Variants in DNAH3 observed in about 807,000 individuals in gnomAD.
DNAH3 encodes the protein axonemal beta dynein heavy chain 3.
In DNAH3, 332 loss-of-function variants were observed where a neutral mutation model predicts 432.5. The observed-to-expected ratio is 0.77, with a 90% confidence interval of 0.70 to 0.84. The LOEUF (loss-of-function observed/expected upper bound fraction) is 0.84. Ranked by LOEUF, DNAH3 falls within the 40% of genes least tolerant of loss-of-function variation. The pLI is 0.00. For missense variants in DNAH3, 4,861 were observed against 5,114.0 expected, an observed-to-expected ratio of 0.95 and a Z score of 1.51; for synonymous variants, 1,956 against 1,900.2, an observed-to-expected ratio of 1.03 and a Z score of -0.76.
intron 24 of DNAH3, among the ~76,000 whole-genome samples, chr16:21,066,400 C>T (rs896283855): frequency 2.2e-4 from 34 of 152,004 alleles, no homozygotes; most frequent in African/African-American, 7.7e-4. Flanking sequence ...CATGGTCTGA[C>T]TCTGTTGCCC....
At chr16:21,005,967 G>C (rs1418791080) in intron 41 of DNAH3, among the ~76,000 whole-genome samples, 1 of 151,186 alleles carries the variant, frequency 6.6e-6, no homozygotes, top group East Asian at 1.9e-4. Flanking sequence ...GTTTTCCTTA[G>C]AGCATAGCAT....
At chr16:20,980,954 T>A (rs2085869346) in intron 49 of DNAH3, among the ~76,000 whole-genome samples, 1 of 152,210 alleles carries the variant, frequency 6.6e-6, no homozygotes, top group Non-Finnish European at 1.5e-5. Context: ...AGATGGTGTG[T>A]AAACTAATGG....
At chr16:21,051,683 C>G (rs764435816) in exon 29 of DNAH3, 7 of 1,613,056 alleles carry the variant, frequency 4.3e-6, no homozygotes, top group Non-Finnish European at 3.4e-6. Flanking sequence ...TAGCAGCGGT[C>G]GGTGAGGGGT....
At chr16:21,145,140 C>T in intron 3 of DNAH3, 41 bp downstream of exon 4, 1 of 1,504,452 alleles carries the variant, frequency 6.6e-7, no homozygotes. Context: ...AAATTTCCTC[C>T]AAAGCCCCAT....
chr16:20,988,910 C>T (rs898255664), intron 44 of DNAH3, among the ~76,000 whole-genome samples: 3 of 152,062 alleles, frequency 2.0e-5, no homozygotes, highest in Admixed American at 6.6e-5. Context: ...TGTTACAGCT[C>T]TTAAGGCGGC....
Position 20,959,610 on chromosome 16 carries a change from AACACACACACACACACACAC to A in DNAH3, c.10601-226_10601-207del, listed in dbSNP as rs55757849. Among the ~76,000 whole-genome samples, 14 of 137,640 alleles carry A rather than the reference AACACACACACACACACACAC, an allele frequency of 1.0e-4. 2 individuals are homozygous for A. The South Asian group carries it at 1.9e-3, about 19-fold the overall frequency. 90.3% of individuals were successfully genotyped at this position (137,640 alleles called of 152,430 possible). On this transcript the variant is annotated intron_variant, in intron 53 of 61. Transcript: ENST00000261383. ...CACAGTGAGACCTTGTCTCTATTTA[AACACACACACACACACACAC>A]ACACACACACACACACACACACACA...
At chr16:21,155,282 A>G (rs2092890577) in intron 1 of DNAH3, among the ~76,000 whole-genome samples, 1 of 152,018 alleles carries the variant, frequency 6.6e-6, no homozygotes, top group Non-Finnish European at 1.5e-5. Context: ...ACAAAACAGA[A>G]GGTGCCCAGT....
rs961888743 is a variant in DNAH3 at position 20,944,353 on chromosome 16, C to G, written c.11511+143G>C. ...ATATAAGGACTCCCGGCAGTAAGGC[C>G]ACAGTGCTCCTTCCCTGCCCTTGGC... On this transcript the variant is annotated intron_variant, in intron 58 of 61. Transcript: ENST00000261383. 8 of 900,064 alleles carry G rather than the reference C, an allele frequency of 8.9e-6. No homozygotes were observed. The Admixed American group carries it at 1.9e-4, about 22-fold the overall frequency. 55.8% of individuals were successfully genotyped at this position (900,064 alleles called of 1,614,324 possible). A position where few individuals can be genotyped will look rare whatever the true frequency, so the allele number is the denominator to read the frequency against.
chr16:21,115,860 G>A (rs11863744), intron 12 of DNAH3, among the ~76,000 whole-genome samples: 5,528 of 152,100 alleles, frequency 0.036, 347 homozygotes, highest in African/African-American at 0.12. Flanking sequence ...AATTCACGAG[G>A]GCAGGGCTTC....
intron 41 of DNAH3, among the ~76,000 whole-genome samples, chr16:21,016,449 A>G (rs2087860879): frequency 6.6e-6 from 1 of 152,210 alleles, no homozygotes; most frequent in Non-Finnish European, 1.5e-5. Context: ...TTCTTAAAAA[A>G]TAAGAATGAA....
rs184681903 is a variant in DNAH3 at position 21,051,904 on chromosome 16, G to A, written c.4040-36C>T. The A allele has an allele frequency of 1.8e-4, 292 of 1,584,922 alleles. 1 individual carries two copies. The African/African-American group carries it at 3.3e-3, about 18-fold the overall frequency. ...ACAGATGCAGAAACACGCACACAGA[G>A]CCATCAGAACTCTCCATCTTTGTAA... On this transcript the variant is annotated intron_variant, in intron 28 of 61. Coordinates refer to ENST00000261383, the Ensembl canonical transcript of DNAH3.
At chr16:21,115,038 T>G (rs1308543263) in intron 12 of DNAH3, among the ~76,000 whole-genome samples, 1 of 152,166 alleles carries the variant, frequency 6.6e-6, no homozygotes, top group Non-Finnish European at 1.5e-5. Context: ...GTGGCACATA[T>G]ACACCATGGA....
chr16:20,981,998 A>C (rs946783978), intron 49 of DNAH3, among the ~76,000 whole-genome samples: 22 of 103,080 alleles, frequency 2.1e-4, no homozygotes, highest in Non-Finnish European at 4.4e-4. Flanking sequence ...GCACATATAT[A>C]ATATATAATA....
At chr16:21,090,316 T>C (rs1185370211) in intron 18 of DNAH3, among the ~76,000 whole-genome samples, 1 of 149,146 alleles carries the variant, frequency 6.7e-6, no homozygotes, top group East Asian at 2.0e-4. Flanking sequence ...AAACATTTCC[T>C]AACTTATTTT....
At chr16:21,153,585 T>G (rs915596505) in intron 1 of DNAH3, among the ~76,000 whole-genome samples, 4 of 152,128 alleles carry the variant, frequency 2.6e-5, no homozygotes, top group Non-Finnish European at 4.4e-5. Flanking sequence ...CGTGGAAGGT[T>G]TGTTCTTTCA....
intron 59 of DNAH3, among the ~76,000 whole-genome samples, chr16:20,940,764 G>C (rs2083775659): frequency 6.6e-6 from 1 of 151,950 alleles, no homozygotes; most frequent in Non-Finnish European, 1.5e-5. Context: ...CCCATGCATA[G>C]TGCTTAGAAC....
At chr16:21,068,775 A>G (rs1420243350) in intron 23 of DNAH3, among the ~76,000 whole-genome samples, 1 of 152,238 alleles carries the variant, frequency 6.6e-6, no homozygotes, top group Non-Finnish European at 1.5e-5. Context: ...AAAAGGATTC[A>G]CTATAAAACT....
chr16:21,060,526 C>CTTTTTTTTTTTTTTTTTTTTTT (rs375746116), intron 25 of DNAH3, among the ~76,000 whole-genome samples, 170 bp from the exon 26 acceptor site: 1 of 93,420 alleles, frequency 1.1e-5, no homozygotes, highest in South Asian at 4.2e-4. Flanking sequence ...TTTTTTTTTT[C>CTTTTTTTTTTTTTTTTTTTTTT]TTTTTTTTTT....
At chr16:21,130,012 A>C (rs2092524190) in intron 7 of DNAH3, 2 of 150,644 alleles carry the variant, frequency 1.3e-5, no homozygotes, top group African/African-American at 4.9e-5. Flanking sequence ...TCTCTACTAC[A>C]CTAAAACAAT....
Sources: allele counts gnomAD v4.1 joint callset (sites outside exome capture counted in the v4.1 genomes callset), GRCh38; gene constraint gnomAD v4.1.1; transcripts MANE v1.5; gene names NCBI Gene and HGNC (gene_info 2026-07-23, HGNC 2026-07-21).